FGD4: variants seen among roughly 807,000 people sequenced by gnomAD.
FGD4 encodes FYVE, RhoGEF and PH domain-containing protein 4.
FGD4 carries 42 observed loss-of-function variants against 102.0 expected under a neutral mutation model. The ratio of observed to expected loss-of-function variants is 0.41; its 90% CI spans 0.32 to 0.53. The LOEUF (loss-of-function observed/expected upper bound fraction) is 0.53. FGD4 is among the 20% of genes least tolerant of loss of function. FGD4 has a pLI of 0.21. For missense variants in FGD4, 902 were observed against 1,078.2 expected (o/e 0.84, Z 2.29); for synonymous variants, 380 against 375.7 (o/e 1.01, Z -0.13).
rs150114794 is a variant in FGD4 at position 32,591,125 on chromosome 12, A to G, written c.1012-7372A>G. 2.1e-3 allele frequency among the ~76,000 whole-genome samples: 325 copies of G among 152,324 alleles called. 1 individual carries two copies. The highest frequency in any genetic ancestry group is 7.6e-3 in the African/African-American group (316 of 41,578). ...CCAGAGAATGGGCTTTAGGGACCAC[A>G]GAGATGTATGTACCTGTACAAAGGG... On this transcript the variant is annotated intron_variant, in intron 4 of 16. Coordinates refer to ENST00000534526, the MANE Select transcript of FGD4 (RefSeq NM_001370298.3).
At chr12:32,600,251 A>G (rs1430075881) in intron 5 of FGD4, among the ~76,000 whole-genome samples, 3 of 152,218 alleles carry the variant, frequency 2.0e-5, no homozygotes, top group Non-Finnish European at 2.9e-5. Flanking sequence ...CATAGTGGAG[A>G]TATTTCTTTT....
chr12:32,540,053 G>GA (rs1354951112), intron 1 of FGD4, among the ~76,000 whole-genome samples: 1 of 151,582 alleles, frequency 6.6e-6, no homozygotes, highest in Non-Finnish European at 1.5e-5. Context: ...AAATATCAAG[G>GA]AAAAAAGGTA....
chr12:32,607,711 T>TGGCCGGGCTGGTCTC (rs1948872159), intron 7 of FGD4, among the ~76,000 whole-genome samples: 1 of 152,182 alleles, frequency 6.6e-6, no homozygotes, highest in Non-Finnish European at 1.5e-5. Context: ...GGCGGGGTTT[T>TGGCCGGGCTGGTCTC]GCCATGTTGG....
At chr12:32,435,498 A>AGTGTGTGTGTGT (rs3076971) in intron 1 of FGD4, among the ~76,000 whole-genome samples, 5,404 of 149,660 alleles carry the variant, frequency 0.036, 300 homozygotes, top group African/African-American at 0.12. Flanking sequence ...CAATTAAAAA[A>AGTGTGTGTGTGT]GTGTGTGTGT....
chr12:32,411,066 G>C (rs534056266), intron 1 of FGD4, among the ~76,000 whole-genome samples: 11 of 151,382 alleles, frequency 7.3e-5, no homozygotes, highest in African/African-American at 2.7e-4. Flanking sequence ...GTGTAGCTGG[G>C]ATTACAGGCG....
chr12:32,446,233 A>G (rs1447534090), intron 1 of FGD4, among the ~76,000 whole-genome samples: 1 of 152,220 alleles, frequency 6.6e-6, no homozygotes, highest in Non-Finnish European at 1.5e-5. Flanking sequence ...TGGCCTAGAC[A>G]AGGTAGGGTA....
chr12:32,614,460 T>C (rs1316188125), intron 10 of FGD4, among the ~76,000 whole-genome samples: 1 of 152,198 alleles, frequency 6.6e-6, no homozygotes, highest in Non-Finnish European at 1.5e-5. Context: ...GCAATATGCC[T>C]GCTGACTTTC....
chr12:32,586,812 A>G (rs1947077813), intron 4 of FGD4, among the ~76,000 whole-genome samples: 1 of 152,224 alleles, frequency 6.6e-6, no homozygotes, highest in South Asian at 2.1e-4. Flanking sequence ...GGCAGAACCT[A>G]TTTTGTGGGC....
At chr12:32,447,830 C>T (rs973412980) in intron 1 of FGD4, among the ~76,000 whole-genome samples, 2 of 152,220 alleles carry the variant, frequency 1.3e-5, no homozygotes, top group Non-Finnish European at 2.9e-5. Flanking sequence ...TCACTTGAGT[C>T]CTTAGCATCT....
At position 32,572,371 on chromosome 12, in the gene FGD4, CTG is replaced by C. The variant is rs549908187; in HGVS notation, c.320-3891_320-3890del. ...AGCTTAACAATCAAGTAGGGAAAGA[CTG>C]TGTTTGCATACTACACTGTTCTCAG... On this transcript the variant is annotated intron_variant, in intron 2 of 16. Transcript: ENST00000534526. Among the ~76,000 whole-genome samples, 10 of 152,074 alleles carry C rather than the reference CTG, an allele frequency of 6.6e-5. No homozygotes were observed. The South Asian group carries it at 1.0e-3, about 16-fold the overall frequency.
chr12:32,590,598 C>T (rs1039622374), intron 4 of FGD4, among the ~76,000 whole-genome samples: 18 of 152,088 alleles, frequency 1.2e-4, no homozygotes, highest in Non-Finnish European at 2.5e-4. Flanking sequence ...TTCACAGACC[C>T]GGGTTTGAAT....
intron 1 of FGD4, among the ~76,000 whole-genome samples, chr12:32,519,728 AG>A (rs1940302057): frequency 6.6e-6 from 1 of 152,236 alleles, no homozygotes; most frequent in African/African-American, 2.4e-5. Context: ...ACTTGAGGTC[AG>A]GAGTTCGAGA....
intron 10 of FGD4, among the ~76,000 whole-genome samples, chr12:32,616,771 CTTT>C (rs1949474957): frequency 1.3e-5 from 2 of 152,158 alleles, no homozygotes; most frequent in South Asian, 2.1e-4. Flanking sequence ...CCATACCATA[CTTT>C]TTCATTGTTT....
chr12:32,501,431 C>T (rs1231001601), intron 1 of FGD4, among the ~76,000 whole-genome samples: 1 of 152,160 alleles, frequency 6.6e-6, no homozygotes, highest in Non-Finnish European at 1.5e-5. Context: ...GTGTGGGCAA[C>T]TGTTCCTGCA....
intron 14 of FGD4, among the ~76,000 whole-genome samples, 163 bp downstream of exon 14, chr12:32,625,942 CGTTAGACAAAAT>C (rs1434951947): frequency 6.6e-6 from 1 of 152,138 alleles, no homozygotes; most frequent in African/African-American, 2.4e-5. Context: ...GGAGAAAAAA[CGTTAGACAAAAT>C]GTTCCCTGGC....
intron 1 of FGD4, among the ~76,000 whole-genome samples, chr12:32,410,117 A>G (rs1376331591): frequency 6.6e-6 from 1 of 152,080 alleles, no homozygotes; most frequent in Non-Finnish European, 1.5e-5. Flanking sequence ...TCATGAGGTC[A>G]GGAGATTGAG....
intron 1 of FGD4, among the ~76,000 whole-genome samples, chr12:32,554,936 G>T (rs969004283): frequency 6.6e-6 from 1 of 152,232 alleles, no homozygotes; most frequent in Non-Finnish European, 1.5e-5. Flanking sequence ...ACAAACTACT[G>T]CAAAGAACTT....
chr12:32,422,374 C>T (rs1378645537), intron 1 of FGD4, among the ~76,000 whole-genome samples: 1 of 127,790 alleles, frequency 7.8e-6, no homozygotes, highest in East Asian at 2.8e-4. Context: ...TCTCGGTTCA[C>T]TACAAGCTCC....
intron 1 of FGD4, among the ~76,000 whole-genome samples, chr12:32,526,631 C>G (rs548362511): frequency 1.3e-5 from 2 of 152,218 alleles, no homozygotes; most frequent in African/African-American, 4.8e-5. Flanking sequence ...TGGCAACCTG[C>G]TCAGGTCCCC....
Sources: allele counts gnomAD v4.1 joint callset (sites outside exome capture counted in the v4.1 genomes callset), GRCh38; gene constraint gnomAD v4.1.1; transcripts MANE v1.5; gene names NCBI Gene and HGNC (gene_info 2026-07-23, HGNC 2026-07-21).